The following CDH18 variants were observed in gnomAD, a reference collection of about 807,000 sequenced individuals.
CDH18 encodes the protein cadherin 18, also known as cadherin-18.
A neutral mutation model predicts 67.9 loss-of-function variants in CDH18; 31 were observed. That is an observed-to-expected ratio of 0.46 (90% CI 0.34 to 0.62). The LOEUF is 0.62. Ranked by LOEUF, CDH18 falls within the 20% of genes least tolerant of loss-of-function variation. The pLI, the probability that CDH18 is intolerant of heterozygous loss-of-function variation, is 0.01. For synonymous variants in CDH18, 362 were observed against 347.2 expected (o/e 1.04, Z -0.48); for missense variants, 890 against 975.5 (o/e 0.91, Z 1.17).
intron 1 of CDH18, among the ~76,000 whole-genome samples, chr5:20,463,019 A>G (rs939291375): frequency 1.1e-4 from 17 of 152,186 alleles, no homozygotes; most frequent in Middle Eastern, 3.2e-3. Context: ...CATAGTTGAG[A>G]AAATATCACT....
chr5:20,463,792 C>T (rs932029517), intron 1 of CDH18, among the ~76,000 whole-genome samples: 3 of 152,166 alleles, frequency 2.0e-5, no homozygotes, highest in Non-Finnish European at 4.4e-5. Context: ...ATTTGTTCTA[C>T]TCAGACTTCA....
chr5:19,907,539 G>A (rs1262505289), intron 2 of CDH18, among the ~76,000 whole-genome samples: 4 of 151,818 alleles, frequency 2.6e-5, no homozygotes, highest in Non-Finnish European at 5.9e-5. Context: ...TTCTGCTTCT[G>A]GTGTTATGTC....
intron 5 of CDH18, among the ~76,000 whole-genome samples, chr5:19,710,299 C>T (rs1253307406): frequency 1.3e-5 from 2 of 152,088 alleles, no homozygotes; most frequent in Admixed American, 6.6e-5. Flanking sequence ...TTTTGAATAA[C>T]TGCCTTCCCA....
chr5:20,076,419 G>A lies in CDH18; in HGVS notation c.-517-84405C>T, dbSNP rs1042492277. 2.0e-5 allele frequency among the ~76,000 whole-genome samples: 3 copies of A among 151,970 alleles called. No homozygotes were observed. In the East Asian group the frequency reaches 5.8e-4, roughly 29 times the overall value. ...TCATGAATTGAGATGGCAATAAAAT[G>A]TAATACAAAAATCAATGTAAACCTT... is the stretch of plus-strand genomic sequence containing the variant. On this transcript the variant is annotated intron_variant, in intron 2 of 14. Transcript: ENST00000507958.
intron 2 of CDH18, among the ~76,000 whole-genome samples, chr5:19,845,531 G>A (rs1782835717): frequency 6.6e-6 from 1 of 151,996 alleles, no homozygotes; most frequent in South Asian, 2.1e-4. Context: ...AAGCCATTTG[G>A]TTCATAGTGT....
intron 1 of CDH18, among the ~76,000 whole-genome samples, chr5:20,535,347 A>G (rs79975897): frequency 2.0e-5 from 3 of 151,992 alleles, no homozygotes; most frequent in African/African-American, 7.2e-5. Context: ...GACCCTTTCA[A>G]ATTTTAAATT....
intron 1 of CDH18, among the ~76,000 whole-genome samples, chr5:20,321,565 T>G (rs1738024896): frequency 1.3e-5 from 2 of 152,280 alleles, no homozygotes; most frequent in African/African-American, 4.8e-5. Flanking sequence ...AAAAGTGCTA[T>G]ACTCTTTTCT....
At chr5:20,375,460 T>TG (rs574162922) in intron 1 of CDH18, among the ~76,000 whole-genome samples, 256 of 152,146 alleles carry the variant, frequency 1.7e-3, no homozygotes, top group African/African-American at 5.7e-3. Context: ...AAAGTGGTGG[T>TG]GGGGGGCAGG....
chr5:20,288,907 T>C (rs1746894908), intron 1 of CDH18, among the ~76,000 whole-genome samples: 1 of 152,024 alleles, frequency 6.6e-6, no homozygotes, highest in Non-Finnish European at 1.5e-5. Flanking sequence ...TCACATTTCT[T>C]AATCTGAACT....
intron 5 of CDH18, among the ~76,000 whole-genome samples, chr5:19,694,649 C>CTG (rs66488949): frequency 5.3e-5 from 8 of 150,658 alleles, no homozygotes; most frequent in African/African-American, 2.0e-4. Flanking sequence ...GAATTAAACT[C>CTG]TGTGTGTGTG....
At chr5:19,790,802 G>C (rs753518536) in intron 3 of CDH18, among the ~76,000 whole-genome samples, 4 of 152,138 alleles carry the variant, frequency 2.6e-5, no homozygotes, top group Non-Finnish European at 5.9e-5. Context: ...AGTGTTTCAG[G>C]TGAAAAATGA....
chr5:19,496,280 G>A (rs1742313651), intron 11 of CDH18, among the ~76,000 whole-genome samples: 1 of 152,084 alleles, frequency 6.6e-6, no homozygotes, highest in Admixed American at 6.5e-5. Flanking sequence ...GACTCTGAGT[G>A]GATTAAAGTG....
chr5:20,177,443 A>G (rs1737323342), intron 2 of CDH18, among the ~76,000 whole-genome samples: 1 of 152,276 alleles, frequency 6.6e-6, no homozygotes, highest in Non-Finnish European at 1.5e-5. Flanking sequence ...AAATATGAGT[A>G]TATAACATTC....
At chr5:20,533,726 T>C (rs556159728) in intron 1 of CDH18, among the ~76,000 whole-genome samples, 3 of 152,218 alleles carry the variant, frequency 2.0e-5, no homozygotes, top group Admixed American at 2.0e-4. Flanking sequence ...CCTTTTTACA[T>C]TGTAAATATT....
At chr5:19,481,039 C>A (rs1229783923) in intron 12 of CDH18, among the ~76,000 whole-genome samples, 3 of 152,156 alleles carry the variant, frequency 2.0e-5, no homozygotes, top group African/African-American at 7.2e-5. Flanking sequence ...CATCTTTTGA[C>A]TTTGTTGACA....
At chr5:19,982,989 C>CCAAGATTGT (rs1799204708) in intron 1 of CDH18, among the ~76,000 whole-genome samples, 1 of 56,822 alleles carries the variant, frequency 1.8e-5, no homozygotes, top group Non-Finnish European at 5.9e-5. Context: ...GCTTGCAGTG[C>CCAAGATTGT]GCCACTGTCG....
chr5:20,015,167 C>A (rs533346920), intron 2 of CDH18, among the ~76,000 whole-genome samples: 3 of 152,230 alleles, frequency 2.0e-5, no homozygotes, highest in African/African-American at 7.2e-5. Context: ...AACCTTGGTT[C>A]AGAAACAGAC....
intron 1 of CDH18, among the ~76,000 whole-genome samples, chr5:20,285,444 A>G (rs982342526): frequency 1.4e-5 from 2 of 147,860 alleles, no homozygotes; most frequent in African/African-American, 4.9e-5. Flanking sequence ...ATAATATAAT[A>G]ATAAGGCCAT....
At chr5:19,693,895 G>A (rs1762216732) in intron 5 of CDH18, among the ~76,000 whole-genome samples, 1 of 118,954 alleles carries the variant, frequency 8.4e-6, no homozygotes, top group African/African-American at 3.1e-5. Context: ...GACTCTGTCT[G>A]AAAAAAAAAA....
Sources: gnomAD v4.1 joint callset for allele counts (sites outside exome capture counted in the v4.1 genomes callset) on GRCh38, gnomAD v4.1.1 for gene constraint, MANE v1.5 for transcripts, NCBI Gene and HGNC (gene_info 2026-07-23, HGNC 2026-07-21) for gene names.